The following MAX variants were observed in gnomAD, a reference collection of about 807,000 sequenced individuals.
MAX encodes protein max.
A neutral mutation model predicts 22.3 loss-of-function variants in MAX; 3 were observed. The observed-to-expected ratio is 0.13, with a 90% CI of 0.06 to 0.35. The LOEUF is 0.35. Among genes scored for constraint, MAX ranks in the 10% least tolerant of loss-of-function variants. MAX has a pLI of 1.00. For missense variants in MAX, 119 were observed against 209.4 expected (o/e 0.57, Z 2.66); for synonymous variants, 72 against 77.7 (o/e 0.93, Z 0.39).
rs575381628 is a variant in MAX at position 65,019,688 on chromosome 14, G to A, written c.172-13404C>T. Among the ~76,000 whole-genome samples, 65 of 152,230 alleles carry A rather than the reference G, an allele frequency of 4.3e-4. 2 individuals are homozygous for A. In the South Asian group the frequency reaches 0.012, roughly 29 times the overall value. On this transcript the variant is annotated intron_variant, in intron 3 of 3. Coordinates refer to the MAX transcript ENST00000341653. Reference sequence around the variant, plus strand: ...AAAGCTTTACCTGTGGTTCTTCTACGCATTGATTTAGTGAACTTTTAAACA... The same window carrying A: ...AAAGCTTTACCTGTGGTTCTTCTACACATTGATTTAGTGAACTTTTAAACA...
chr14:65,010,985 A>G (rs959008768), intron 3 of MAX, among the ~76,000 whole-genome samples: 8 of 151,876 alleles, frequency 5.3e-5, no homozygotes, highest in African/African-American at 1.9e-4. Flanking sequence ...TTTTCACACA[A>G]ACTTTCCTGA....
chr14:65,099,535 A>AAAACAAACAAAC (rs958002278), intron 2 of MAX, among the ~76,000 whole-genome samples: 1 of 150,366 alleles, frequency 6.7e-6, no homozygotes, highest in East Asian at 1.9e-4. Flanking sequence ...TTTCACCAAA[A>AAAACAAACAAAC]AAACAAACAA....
chr14:65,075,078 T>C, downstream of MAX: 2 of 1,011,942 alleles, frequency 2.0e-6, no homozygotes, highest in Non-Finnish European at 2.4e-6. The surrounding 1 kb of genome is among the most constrained non-coding windows in gnomAD (Gnocchi z 4.1). Flanking sequence ...GAGGGGTCTC[T>C]CATCAACCAC....
Position 65,076,067 on chromosome 14 carries a change from A to G in MAX, c.*409T>C. ...AGATTCACAAAGTCTATCAGAGGTGAGGGCGGGCCAGGAGGCCACCTGGGC... is the reference window on the plus strand; with the variant it reads ...AGATTCACAAAGTCTATCAGAGGTGGGGGCGGGCCAGGAGGCCACCTGGGC... On this transcript the variant is annotated 3_prime_UTR_variant, in exon 5 of 5. Transcript: ENST00000358664. The surrounding 1 kb of genome is among the most constrained non-coding windows in gnomAD (Gnocchi z 6.6). The G allele has an allele frequency of 8.3e-7, 1 of 1,210,432 alleles. No individual in the cohort carries two copies. Among genetic ancestry groups the G allele is most frequent in the Non-Finnish European group, 1.0e-6 (1 of 969,734 alleles). 75.0% of individuals were successfully genotyped at this position (1,210,432 alleles called of 1,614,324 possible).
rs958029776 is a variant in MAX, at chr14:65,007,201, T to G, written c.172-917A>C. Among the ~76,000 whole-genome samples, 1 of 152,196 alleles carries G rather than the reference T, an allele frequency of 6.6e-6. No homozygotes were observed. The highest frequency in any genetic ancestry group is 2.4e-5 in the African/African-American group (1 of 41,444). ...AATAAGCGAGGATATAAGAATAAAT[T>G]AGAAAATTTATCAGAATTTTAAATC... On this transcript the variant is annotated intron_variant, in intron 3 of 3. Transcript: ENST00000341653. The surrounding 1 kb of genome is among the most constrained non-coding windows in gnomAD (Gnocchi z 4.9).
chr14:65,027,668 G>A lies in MAX; in HGVS notation c.172-21384C>T, dbSNP rs546406732. 16 of 1,613,990 alleles carry A rather than the reference G, an allele frequency of 9.9e-6. No individual in the cohort carries two copies. The highest frequency in any genetic ancestry group is 1.7e-5 in the Admixed American group (1 of 59,994). On this transcript the variant is annotated intron_variant, in intron 3 of 3. Coordinates refer to the MAX transcript ENST00000341653. This position sits in a 1 kb window ranked among gnomAD's most constrained non-coding sequence, Gnocchi z 5.7. ...CGCCTGCTGACACGCACTGACTGTT[G>A]CCTCTCCTACCTCTTTCCCTGTTTC...
intron 3 of MAX, among the ~76,000 whole-genome samples, chr14:65,008,663 G>GAAC (rs1454408722): frequency 1.3e-5 from 2 of 152,218 alleles, no homozygotes; most frequent in African/African-American, 4.8e-5. Flanking sequence ...CAGGCAGAGG[G>GAAC]AACAGCATGT....
At position 65,101,586 on chromosome 14, in the gene MAX, G is replaced by GA. The variant is rs747340873; in HGVS notation, c.37-15dup. 40,234 of 1,098,276 alleles carry GA rather than the reference G, an allele frequency of 0.037. 1 individual carries two copies. Among genetic ancestry groups the GA allele is most frequent in the Non-Finnish European group, 0.042 (33,773 of 804,618 alleles). The allele number at this position is 1,098,276 out of a possible 1,614,324, so 68.0% of individuals were successfully genotyped here. A position where few individuals can be genotyped will look rare whatever the true frequency, so the allele number is the denominator to read the frequency against. On this transcript the variant is annotated splice_polypyrimidine_tract_variant and intron_variant, in intron 1 of 4. Coordinates refer to ENST00000358664, the MANE Select transcript of MAX (RefSeq NM_002382.5). ...CGGTTGCTCTTCCTGGAATAAGAGA[G>GA]AAAAAAAAAAATAGAAAATATAGAA...
Position 65,008,426 on chromosome 14 carries a change from T to C in MAX, c.172-2142A>G, listed in dbSNP as rs114043048. On this transcript the variant is annotated intron_variant, in intron 3 of 3. Coordinates refer to the MAX transcript ENST00000341653. The stretch of plus-strand genomic sequence containing the variant: ...TCAGGGAAGCCAGAGTGAGCAAGGC[T>C]AGCCCTGGGCCTGCCCCTGCTGGGC... 5.4e-3 allele frequency among the ~76,000 whole-genome samples: 827 copies of C among 152,368 alleles called. 6 individuals are homozygous for C. The highest frequency in any genetic ancestry group is 0.019 in the African/African-American group (801 of 41,592).
chr14:65,078,034 T>A lies in MAX; in HGVS notation c.174A>T (p.Ala58=), dbSNP rs2139756196. The change falls in exon 4 of 5, where the codon GCA becomes GCT. Residue 58 remains alanine, a splice_region_variant and synonymous_variant. Coordinates refer to ENST00000358664, the MANE Select transcript of MAX (RefSeq NM_002382.5). The surrounding 1 kb of genome is among the most constrained non-coding windows in gnomAD (Gnocchi z 6.4). ...CTTTGTCTAGGATTTGGGCCCGGGA[T>A]GCCTGTGGCAATATGAGAAAAAGCA... The part of the protein sequence containing the change: ...DSVPSLQGEK[A]SRAQILDKAT... 1 of 1,614,146 alleles carries A rather than the reference T, an allele frequency of 6.2e-7. No individual in the cohort carries two copies. The highest frequency in any genetic ancestry group is 8.5e-7 in the Non-Finnish European group (1 of 1,180,034).
chr14:65,053,567 T>C (rs1820850390), intron 3 of MAX, among the ~76,000 whole-genome samples: 1 of 150,552 alleles, frequency 6.6e-6, no homozygotes, highest in African/African-American at 2.5e-5. Context: ...CCAGCCTGCA[T>C]GCAACCCCCT....
intron 3 of MAX, chr14:65,021,894 C>T (rs1017060614): frequency 1.5e-5 from 7 of 455,504 alleles, no homozygotes; most frequent in East Asian, 6.9e-5. Context: ...GATCCGCCCA[C>T]GTCGGCCTCC....
At position 65,084,087 on chromosome 14, in the gene MAX, G is replaced by T; in HGVS notation, c.172-6051C>A. The T allele has an allele frequency of 1.3e-6, 2 of 1,599,248 alleles. No individual in the cohort carries two copies. The highest frequency in any genetic ancestry group is 1.7e-6 in the Non-Finnish European group (2 of 1,170,480). On this transcript the variant is annotated intron_variant, in intron 3 of 4. Coordinates refer to ENST00000358664, the MANE Select transcript of MAX (RefSeq NM_002382.5). This position sits in a 1 kb window ranked among gnomAD's most constrained non-coding sequence, Gnocchi z 4.3. ...TCCCCAGCCACAGGACCATTTTGCTGATTACCAGGGTAAGGCAGAGCTATC... is the reference window on the plus strand; with the variant it reads ...TCCCCAGCCACAGGACCATTTTGCTTATTACCAGGGTAAGGCAGAGCTATC...
Position 65,054,203 on chromosome 14 carries a change from C to G in MAX, c.171+39505G>C, listed in dbSNP as rs1182480321. On this transcript the variant is annotated intron_variant, in intron 3 of 3. Transcript: ENST00000341653. The surrounding 1 kb of genome is among the most constrained non-coding windows in gnomAD (Gnocchi z 4.4). ...TCATGACTCACTGCAGCCTTCACCT[C>G]TTGGGCTCGAGTGATCCTCCTGCTT... Among the ~76,000 whole-genome samples, 1 of 152,126 alleles carries G rather than the reference C, an allele frequency of 6.6e-6. No individual in the cohort carries two copies. Among genetic ancestry groups the G allele is most frequent in the Non-Finnish European group, 1.5e-5 (1 of 68,042 alleles).
rs1370824703 is a variant in MAX at position 65,062,553 on chromosome 14, T to G, written c.171+31155A>C. 6.5e-6 allele frequency: 1 copy of G among 152,706 alleles called. No homozygotes were observed. Among genetic ancestry groups the G allele is most frequent in the Non-Finnish European group, 1.5e-5 (1 of 68,058 alleles). The allele number at this position is 152,706 out of a possible 1,614,324, so 9.5% of individuals were successfully genotyped here. A position where few individuals can be genotyped will look rare whatever the true frequency, so the allele number is the denominator to read the frequency against. The stretch of plus-strand genomic sequence containing the variant: ...AGCTCAGAGATGCAGCATGAGGCGC[T>G]TAGAAAAACCTGGCCATTTGCTGCC... On this transcript the variant is annotated intron_variant, in intron 3 of 3. Coordinates refer to the MAX transcript ENST00000341653. The surrounding 1 kb of genome is among the most constrained non-coding windows in gnomAD (Gnocchi z 4.3).
rs2062054649 is a variant in MAX, at chr14:65,030,289, C to T, written c.172-24005G>A. Among the ~76,000 whole-genome samples the T allele has an allele frequency of 6.6e-6, 1 of 152,228 alleles. No individual in the cohort carries two copies. Among genetic ancestry groups the T allele is most frequent in the East Asian group, 1.9e-4 (1 of 5,202 alleles). On this transcript the variant is annotated intron_variant, in intron 3 of 3. Transcript: ENST00000341653. This position sits in a 1 kb window ranked among gnomAD's most constrained non-coding sequence, Gnocchi z 4.5. The stretch of plus-strand genomic sequence containing the variant: ...ACATTTGGCATTGGCACTTGTGACT[C>T]TTGTGTGCTCCCAATGCCTGCTGGT...
chr14:65,085,161 GAAT>G, intron 3 of MAX, among the ~76,000 whole-genome samples: 1 of 152,196 alleles, frequency 6.6e-6, no homozygotes, highest in South Asian at 2.1e-4. Flanking sequence ...ACTTACTTTT[GAAT>G]ATTAGGCTAA....
At chr14:65,059,837 CT>C (rs34459085) in intron 3 of MAX, among the ~76,000 whole-genome samples, 11,948 of 134,052 alleles carry the variant, frequency 0.089, 474 homozygotes, top group East Asian at 0.25. Context: ...GTCCTTTTTT[CT>C]TTTTTTTTTT....
chr14:65,039,618 G>A (rs1010533985), intron 3 of MAX, among the ~76,000 whole-genome samples: 1 of 152,010 alleles, frequency 6.6e-6, no homozygotes, highest in Non-Finnish European at 1.5e-5. Flanking sequence ...GGTAGGAAAG[G>A]TTTCTCTATT....
Sources: allele counts gnomAD v4.1 joint callset (sites outside exome capture counted in the v4.1 genomes callset), GRCh38; gene constraint gnomAD v4.1.1; non-coding constraint Gnocchi (gnomAD v3.1); transcripts MANE v1.5; gene names NCBI Gene and HGNC (gene_info 2026-07-23, HGNC 2026-07-21).